The following TBC1D22A variants were observed in gnomAD, a reference collection of about 807,000 sequenced individuals.
TBC1D22A encodes the protein putative GTPase activator.
Under a neutral mutation model 60.2 loss-of-function variants are expected in TBC1D22A, and 38 were observed. The observed-to-expected ratio is 0.63, with a 90% CI of 0.49 to 0.83. The LOEUF is 0.83. Ranked by LOEUF, TBC1D22A falls within the 40% of genes least tolerant of loss-of-function variation. TBC1D22A has a pLI of 0.00. For missense variants in TBC1D22A, 628 were observed against 701.0 expected (o/e 0.90, Z 1.18); for synonymous variants, 302 against 281.7 (o/e 1.07, Z -0.72).
intron 12 of TBC1D22A, among the ~76,000 whole-genome samples, chr22:47,147,225 C>T (rs1207562794): frequency 3.3e-5 from 5 of 152,242 alleles, no homozygotes; most frequent in Non-Finnish European, 5.9e-5. Context: ...AGGAGCAATA[C>T]TAAACCAACT....
At chr22:46,887,299 A>C (rs1427339042) in intron 5 of TBC1D22A, among the ~76,000 whole-genome samples, 1 of 152,240 alleles carries the variant, frequency 6.6e-6, no homozygotes, top group Admixed American at 6.5e-5. Context: ...AGAATGGCTA[A>C]TGTGAAAAGG....
At chr22:46,924,542 C>T (rs907789448) in intron 8 of TBC1D22A, among the ~76,000 whole-genome samples, 5 of 152,194 alleles carry the variant, frequency 3.3e-5, no homozygotes, top group African/African-American at 4.8e-5. Flanking sequence ...ATCAGGAGTT[C>T]GAGACCAGCC....
intron 11 of TBC1D22A, among the ~76,000 whole-genome samples, chr22:47,041,459 G>A (rs2062841216): frequency 1.3e-5 from 2 of 152,214 alleles, no homozygotes; most frequent in South Asian, 2.1e-4. Context: ...CAGGTGCTGC[G>A]GAGGGACTGG....
rs112862438 is a variant in TBC1D22A at position 46,907,174 on chromosome 22, A to G, written c.901-4900A>G. On this transcript the variant is annotated intron_variant, in intron 7 of 12. Coordinates refer to ENST00000337137, the MANE Select transcript of TBC1D22A (RefSeq NM_014346.5). ...TGTGTTCTTCTCCGTGTGTGCACACATGCTCTTTTCTCTGCATAGAAGGCT... is the reference window on the plus strand; with the variant it reads ...TGTGTTCTTCTCCGTGTGTGCACACGTGCTCTTTTCTCTGCATAGAAGGCT... 2.0e-5 allele frequency among the ~76,000 whole-genome samples: 3 copies of G among 152,148 alleles called. 1 individual carries two copies. Among genetic ancestry groups the G allele is most frequent in the African/African-American group, 7.2e-5 (3 of 41,504 alleles).
At chr22:46,820,448 G>A (rs778890268) in intron 4 of TBC1D22A, among the ~76,000 whole-genome samples, 4 of 152,084 alleles carry the variant, frequency 2.6e-5, no homozygotes, top group Non-Finnish European at 4.4e-5. Flanking sequence ...TGTTCTCACT[G>A]GTTTCAAAGA....
rs765923613 is a variant in TBC1D22A at position 47,037,228 on chromosome 22, G to A, written c.1329+30G>A. On this transcript the variant is annotated intron_variant, in intron 11 of 12. Coordinates refer to ENST00000337137, the MANE Select transcript of TBC1D22A (RefSeq NM_014346.5). ...GCTCTCCTTCGCACCCTCCGCCATG[G>A]GGGTGCCAGGAGCCCGGGCCGTTTC... 5 of 1,609,738 alleles carry A rather than the reference G, an allele frequency of 3.1e-6. No individual in the cohort carries two copies. In the South Asian group the frequency reaches 4.4e-5, roughly 14 times the overall value.
Position 47,128,714 on chromosome 22 carries a change from G to A in TBC1D22A, c.1425+17111G>A, listed in dbSNP as rs957682732. On this transcript the variant is annotated intron_variant, in intron 12 of 12. Transcript: ENST00000337137. ...GAAAGAGCAGCTGGAACCCAAGCCCGGTGGCCCTGCTTGACCCAGTGGCCA... is the reference window on the plus strand; with the variant it reads ...GAAAGAGCAGCTGGAACCCAAGCCCAGTGGCCCTGCTTGACCCAGTGGCCA... Among the ~76,000 whole-genome samples the A allele has an allele frequency of 4.6e-5, 7 of 152,004 alleles. No individual in the cohort carries two copies. In the South Asian group the frequency reaches 6.2e-4, roughly 14 times the overall value.
At chr22:47,052,755 G>A (rs967749276) in intron 11 of TBC1D22A, among the ~76,000 whole-genome samples, 2 of 152,184 alleles carry the variant, frequency 1.3e-5, no homozygotes, top group African/African-American at 4.8e-5. Flanking sequence ...ATAGCAGGAG[G>A]ACGGCCTCCC....
At chr22:46,847,916 T>TGG (rs1406519297) in intron 4 of TBC1D22A, among the ~76,000 whole-genome samples, 47 of 113,770 alleles carry the variant, frequency 4.1e-4, no homozygotes, top group African/African-American at 1.6e-3. Context: ...GGTACCCTAG[T>TGG]GGGTGTGTGT....
At chr22:46,874,952 A>G (rs2067483533) in intron 4 of TBC1D22A, among the ~76,000 whole-genome samples, 1 of 152,164 alleles carries the variant, frequency 6.6e-6, no homozygotes, top group South Asian at 2.1e-4. Context: ...AGTTGCTTAT[A>G]GATGCTGGAT....
chr22:46,822,262 G>A (rs564719558), intron 4 of TBC1D22A, among the ~76,000 whole-genome samples: 4 of 152,126 alleles, frequency 2.6e-5, no homozygotes, highest in African/African-American at 7.2e-5. Context: ...CTGATCTTCT[G>A]TCCAGTTCTG....
intron 10 of TBC1D22A, among the ~76,000 whole-genome samples, chr22:47,020,786 C>T (rs2062058874): frequency 6.6e-6 from 1 of 151,524 alleles, no homozygotes; most frequent in South Asian, 2.1e-4. Flanking sequence ...CAGTTAGAGT[C>T]TGAACTTAAT....
At chr22:46,992,470 C>T (rs890504289) in intron 9 of TBC1D22A, among the ~76,000 whole-genome samples, 2 of 152,210 alleles carry the variant, frequency 1.3e-5, no homozygotes, top group African/African-American at 2.4e-5. Flanking sequence ...GTAGGCCCGC[C>T]GAGTCATCCA....
chr22:46,768,819 C>T (rs754684058), intron 1 of TBC1D22A, among the ~76,000 whole-genome samples: 7 of 152,098 alleles, frequency 4.6e-5, no homozygotes, highest in East Asian at 3.9e-4. Context: ...GGTGGCTGGG[C>T]GCTCTGGCTC....
chr22:47,060,860 C>T (rs561941789), intron 11 of TBC1D22A, among the ~76,000 whole-genome samples: 46 of 152,304 alleles, frequency 3.0e-4, no homozygotes, highest in South Asian at 1.0e-3. Context: ...CTTCCATTAG[C>T]GCCATGCCGC....
At chr22:46,885,157 C>G (rs984726888) in intron 5 of TBC1D22A, among the ~76,000 whole-genome samples, 3 of 152,194 alleles carry the variant, frequency 2.0e-5, no homozygotes, top group Admixed American at 6.5e-5. Context: ...CAGGGCTGAG[C>G]AGCGGGTGGG....
intron 7 of TBC1D22A, among the ~76,000 whole-genome samples, chr22:46,900,773 GTGTC>G (rs992520985): frequency 9.0e-4 from 137 of 152,310 alleles, no homozygotes; most frequent in African/African-American, 3.2e-3. Context: ...GTACCACAGT[GTGTC>G]TGTCTGTGCA....
intron 4 of TBC1D22A, among the ~76,000 whole-genome samples, chr22:46,808,897 G>C (rs535409509): frequency 6.6e-6 from 1 of 152,136 alleles, no homozygotes; most frequent in Non-Finnish European, 1.5e-5. Flanking sequence ...CCCGGCCTTC[G>C]CCAGCTTTTG....
At chr22:46,964,887 CAG>C (rs1316501245) in intron 8 of TBC1D22A, among the ~76,000 whole-genome samples, 1 of 152,236 alleles carries the variant, frequency 6.6e-6, no homozygotes, top group African/African-American at 2.4e-5. Context: ...AGAATTGCGA[CAG>C]GGGCCACAGC....
Sources: gnomAD v4.1 joint callset for allele counts (sites outside exome capture counted in the v4.1 genomes callset) on GRCh38, gnomAD v4.1.1 for gene constraint, MANE v1.5 for transcripts, NCBI Gene and HGNC (gene_info 2026-07-23, HGNC 2026-07-21) for gene names.